Variants in HELLS observed in about 807,000 individuals in gnomAD.
HELLS encodes the protein lymphoid-specific helicase.
Under a neutral mutation model 120.0 loss-of-function variants are expected in HELLS, and 32 were observed. The observed-to-expected ratio is 0.27, with a 90% CI of 0.20 to 0.36. The LOEUF is 0.36. Among genes scored for constraint, HELLS ranks in the 10% least tolerant of loss-of-function variants. The probability of loss-of-function intolerance (pLI) is 1.00; values close to 1 mark genes in which losing one functional copy is unlikely to be tolerated. For missense variants in HELLS, 650 were observed against 993.4 expected, an observed-to-expected ratio of 0.65 and a Z score of 4.65; for synonymous variants, 341 against 323.4, an observed-to-expected ratio of 1.05 and a Z score of -0.58.
intron 6 of HELLS, among the ~76,000 whole-genome samples, chr10:94,564,939 G>C (rs551821231): frequency 3.3e-5 from 5 of 152,216 alleles, no homozygotes; most frequent in African/African-American, 1.2e-4. Context: ...ATTGTCTACT[G>C]TTGTTCTTTT....
chr10:94,573,960 G>A lies in HELLS; in HGVS notation c.478G>A (p.Asp160Asn), dbSNP rs1844311136. Reference sequence around the variant, plus strand: ...CTTATTAAACTTTTTTTCTCTACAGGATGAAAACTCCTCCTCTACTAATCT... The same window carrying A: ...CTTATTAAACTTTTTTTCTCTACAGAATGAAAACTCCTCCTCTACTAATCT... ...VAKKNKKENE[D>N]ENSSSTNLCV... Residue 160 changes from aspartate to asparagine, a missense_variant and splice_region_variant, in exon 8 of 22, where the codon GAT becomes AAT. By Grantham distance (23) the Asp-to-Asn change is conservative. Around this residue, in one of 9 missense-constraint regions of HELLS, gnomAD observed 113 missense variants for 120.7 expected, o/e 0.94. Coordinates refer to ENST00000348459, the MANE Select transcript of HELLS (RefSeq NM_018063.5). 6.3e-7 allele frequency: 1 copy of A among 1,582,722 alleles called. No homozygotes were observed. Among genetic ancestry groups the A allele is most frequent in the Non-Finnish European group, 8.7e-7 (1 of 1,154,578 alleles).
intron 21 of HELLS, among the ~76,000 whole-genome samples, chr10:94,599,070 G>A (rs1175725069): frequency 2.6e-5 from 4 of 151,950 alleles, no homozygotes; most frequent in South Asian, 2.1e-4. Context: ...TAGCTTTATG[G>A]GAAGTGTACT....
intron 3 of HELLS, among the ~76,000 whole-genome samples, chr10:94,556,058 A>C (rs756385183): frequency 2.0e-5 from 3 of 152,222 alleles, no homozygotes; most frequent in Non-Finnish European, 2.9e-5. Context: ...TAAGAAGCAC[A>C]GGTAAGGCGA....
downstream of HELLS, among the ~76,000 whole-genome samples, chr10:94,604,850 A>G (rs1846110817): frequency 1.3e-5 from 2 of 151,974 alleles, no homozygotes; most frequent in African/African-American, 2.4e-5. Context: ...ATTTATATCT[A>G]ATCACTCTGG....
chr10:94,590,670 C>G lies in HELLS; in HGVS notation c.1661C>G (p.Ser554Cys). The change falls in exon 15 of 22, where the codon TCT becomes TGT. Residue 554 changes from serine to cysteine, a missense_variant. Coordinates refer to ENST00000348459, the MANE Select transcript of HELLS (RefSeq NM_018063.5). ...GTGGAAGTGAATATCCCTGTAGAATCTGAAGTTAATCTGAAGCTGCAGAAT... is the reference window on the plus strand; with the variant it reads ...GTGGAAGTGAATATCCCTGTAGAATGTGAAGTTAATCTGAAGCTGCAGAAT... Reference protein sequence around the residue: ...AVVEVNIPVESEVNLKLQNIM... With the variant: ...AVVEVNIPVECEVNLKLQNIM... The G allele has an allele frequency of 1.2e-6, 2 of 1,610,670 alleles. No individual in the cohort carries two copies. The highest frequency in any genetic ancestry group is 1.7e-6 in the Non-Finnish European group (2 of 1,178,870).
At chr10:94,599,247 CTG>C (rs1447443983) in intron 21 of HELLS, among the ~76,000 whole-genome samples, 2 of 152,162 alleles carry the variant, frequency 1.3e-5, no homozygotes, top group Non-Finnish European at 2.9e-5. Flanking sequence ...CATGTAAGGA[CTG>C]TTTAACATCT....
intron 4 of HELLS, among the ~76,000 whole-genome samples, chr10:94,561,594 T>C (rs1322625265): frequency 6.6e-6 from 1 of 152,090 alleles, no homozygotes; most frequent in Non-Finnish European, 1.5e-5. Context: ...GCCTCCTGAG[T>C]AGCTGAGACT....
chr10:94,603,595 C>T (rs1846090484), downstream of HELLS, among the ~76,000 whole-genome samples: 1 of 152,180 alleles, frequency 6.6e-6, no homozygotes, highest in Non-Finnish European at 1.5e-5. Flanking sequence ...GAACCTTTCT[C>T]CTGAATTCCA....
At chr10:94,564,565 T>A (rs1469953342) in intron 6 of HELLS, among the ~76,000 whole-genome samples, 1 of 152,232 alleles carries the variant, frequency 6.6e-6, no homozygotes, top group Non-Finnish European at 1.5e-5. Context: ...TTAGAGCATC[T>A]TCAGTTCTGA....
intron 4 of HELLS, among the ~76,000 whole-genome samples, chr10:94,560,633 G>A (rs1843504919): frequency 6.6e-6 from 1 of 152,034 alleles, no homozygotes; most frequent in Non-Finnish European, 1.5e-5. Context: ...GTAGGCAGAG[G>A]TTGCAGTGGG....
rs1204575500 is a variant in HELLS, at chr10:94,561,055, C to CA, written c.334-1625dup. On this transcript the variant is annotated intron_variant, in intron 4 of 21. Coordinates refer to ENST00000348459, the MANE Select transcript of HELLS (RefSeq NM_018063.5). ...TGGGTGACAGAGCAAGACTCTGTCTCAAAAAAAAAAACAAAAAAACAAAAA... is the reference window on the plus strand; with the variant it reads ...TGGGTGACAGAGCAAGACTCTGTCTCAAAAAAAAAAAACAAAAAAACAAAAA... Among the ~76,000 whole-genome samples the CA allele has an allele frequency of 5.1e-3, 608 of 119,380 alleles. 4 individuals are homozygous for CA. Among genetic ancestry groups the CA allele is most frequent in the East Asian group, 0.01 (42 of 4,006 alleles). 78.3% of individuals were successfully genotyped at this position (119,380 alleles called of 152,430 possible). A position where few individuals can be genotyped will look rare whatever the true frequency, so the allele number is the denominator to read the frequency against.
chr10:94,574,102 G>A lies in HELLS; in HGVS notation c.620G>A (p.Gly207Asp). 6.2e-7 allele frequency: 1 copy of A among 1,614,084 alleles called. No individual in the cohort carries two copies. The highest frequency in any genetic ancestry group is 8.5e-7 in the Non-Finnish European group (1 of 1,179,992). The change falls in exon 8 of 22, where the codon GGT (glycine) becomes GAT (aspartate). Residue 207 changes from glycine (G) to aspartate (D), a missense_variant. By Grantham distance (94) the Gly-to-Asp change is moderately conservative. Around this residue, in one of 9 missense-constraint regions of HELLS, gnomAD observed 113 missense variants for 120.7 expected, o/e 0.94. Coordinates refer to ENST00000348459, the MANE Select transcript of HELLS (RefSeq NM_018063.5). ...FFFDPVRKCN[G>D]QPVPFQQPKH... Reference sequence around the variant, plus strand: ...TTTGACCCAGTCCGGAAGTGTAATGGTCAGCCAGTACCTTTTCAACAACCA... The same window carrying A: ...TTTGACCCAGTCCGGAAGTGTAATGATCAGCCAGTACCTTTTCAACAACCA...
At chr10:94,593,663 G>T in intron 18 of HELLS, 48 bp downstream of exon 18, 2 of 1,149,694 alleles carry the variant, frequency 1.7e-6, no homozygotes, top group Non-Finnish European at 2.5e-6. Context: ...TTTCCATTTT[G>T]AATTTTTTTT....
chr10:94,579,942 G>A (rs750934609), intron 10 of HELLS, among the ~76,000 whole-genome samples: 4 of 151,606 alleles, frequency 2.6e-5, no homozygotes, highest in Non-Finnish European at 5.9e-5. Flanking sequence ...CCATTTAAGT[G>A]AGCTTATATT....
downstream of HELLS, among the ~76,000 whole-genome samples, chr10:94,606,172 T>C (rs573238204): frequency 5.9e-5 from 9 of 152,046 alleles, no homozygotes; most frequent in East Asian, 1.7e-3. Context: ...TCAAGTAATG[T>C]GGACTACACT....
chr10:94,566,337 A>C (rs187263404), intron 6 of HELLS, among the ~76,000 whole-genome samples: 136 of 152,176 alleles, frequency 8.9e-4, no homozygotes, highest in African/African-American at 3.0e-3. Flanking sequence ...GGAAAGAGTA[A>C]AGTACAGGTA....
At chr10:94,604,855 C>T (rs933756261), downstream of HELLS, among the ~76,000 whole-genome samples, 10 of 151,896 alleles carry the variant, frequency 6.6e-5, no homozygotes, top group African/African-American at 1.9e-4. Flanking sequence ...TATCTAATCA[C>T]TCTGGAAATA....
At chr10:94,610,400 A>T (rs1478279995) in exon 10 of HELLS, 1 of 152,002 alleles carries the variant, frequency 6.6e-6, no homozygotes, top group Admixed American at 6.6e-5. Context: ...ACTGCACTCC[A>T]GTCTAGCAAC....
At chr10:94,562,280 GTAATCCCCAC>G (rs1843596596) in intron 4 of HELLS, among the ~76,000 whole-genome samples, 1 of 152,076 alleles carries the variant, frequency 6.6e-6, no homozygotes, top group Non-Finnish European at 1.5e-5. Context: ...GCAGGTGCCT[GTAATCCCCAC>G]TACTCTGGAG....
Sources: gnomAD v4.1 joint callset for allele counts (sites outside exome capture counted in the v4.1 genomes callset) on GRCh38, gnomAD v4.1.1 for gene constraint, gnomAD v4.1.1 regional missense constraint, MANE v1.5 for transcripts, NCBI Gene and HGNC (gene_info 2026-07-23, HGNC 2026-07-21) for gene names.